HIF3A: variants seen among roughly 807,000 people sequenced by gnomAD.
The protein encoded by HIF3A is hypoxia-inducible factor 3-alpha.
A neutral mutation model predicts 67.2 loss-of-function variants in HIF3A; 41 were observed. The ratio of observed to expected loss-of-function variants is 0.61; its 90% CI spans 0.48 to 0.79. HIF3A has a LOEUF of 0.79. HIF3A is among the 30% of genes least tolerant of loss of function. The probability of loss-of-function intolerance (pLI) is 0.00; values close to 1 mark genes in which losing one functional copy is unlikely to be tolerated. For missense variants in HIF3A, 855 were observed against 898.0 expected, an observed-to-expected ratio of 0.95 and a Z score of 0.61; for synonymous variants, 356 against 374.8, an observed-to-expected ratio of 0.95 and a Z score of 0.58.
intron 11 of HIF3A, among the ~76,000 whole-genome samples, chr19:46,327,584 C>T (rs1371466364): frequency 6.6e-6 from 1 of 152,042 alleles, no homozygotes; most frequent in Non-Finnish European, 1.5e-5. Flanking sequence ...TGCAGTCAGC[C>T]AAACTCAAGG....
Position 46,329,281 on chromosome 19 carries a change from C to T in HIF3A, c.1515C>T (p.Ser505=), listed in dbSNP as rs374067888. The T allele has an allele frequency of 7.2e-5, 116 of 1,613,318 alleles. No homozygotes were observed. Among genetic ancestry groups the T allele is most frequent in the South Asian group, 3.3e-4 (30 of 91,066 alleles). Residue 505 remains serine, a synonymous_variant, in exon 12 of 15, where the codon AGC becomes AGT. Transcript: ENST00000377670. ...ATGATGACTTCCAGCTCAACGCCAG[C>T]GAGCAGCTACCCAGGGCCTACCACA... ...SMDDDFQLNA[S]EQLPRAYHRP...
chr19:46,325,435 G>A, intron 10 of HIF3A, 100 bp from the exon 11 acceptor site: 1 of 790,544 alleles, frequency 1.3e-6, no homozygotes, highest in Non-Finnish European at 2.1e-6. Flanking sequence ...CAGATGCCTG[G>A]CATTTGATCC....
chr19:46,329,394 G>A lies in HIF3A; in HGVS notation c.1628G>A (p.Trp543Ter). The A allele has an allele frequency of 6.2e-7, 1 of 1,608,898 alleles. No homozygotes were observed. Among genetic ancestry groups the A allele is most frequent in the Non-Finnish European group, 8.5e-7 (1 of 1,177,116 alleles). The change falls in exon 12 of 15, where the codon TGG becomes TAG. Residue 543 changes from tryptophan to a stop codon, truncating the protein, a stop_gained. Coordinates refer to ENST00000377670, the MANE Select transcript of HIF3A (RefSeq NM_152795.4). LOFTEE classifies it high-confidence loss of function. ...CTTGAGCCCTCCCTGCTACCCCGCT[G>A]GGGGAGTGACCCCCGGCTGAGCTGC... ...PALEPSLLPR[W>*]GSDPRLSCSS... is the part of the protein sequence containing the mutation.
intron 13 of HIF3A, among the ~76,000 whole-genome samples, chr19:46,331,946 G>GA (rs768107531): frequency 1.3e-5 from 2 of 151,886 alleles, no homozygotes; most frequent in Non-Finnish European, 2.9e-5. Context: ...TATCTGCAGG[G>GA]ATCTTCTCTG....
chr19:46,312,830 G>GGT, intron 8 of HIF3A, 177 bp downstream of exon 8: 5 of 1,329,032 alleles, frequency 3.8e-6, no homozygotes, highest in Non-Finnish European at 4.8e-6. Flanking sequence ...TGTAAATGCC[G>GGT]GTGTGTGTGT....
rs1381814777 is a variant in HIF3A, at chr19:46,343,400, A to G, written c.*3778A>G. 2.0e-5 allele frequency: 3 copies of G among 152,336 alleles called. No individual in the cohort carries two copies. Among genetic ancestry groups the G allele is most frequent in the African/African-American group, 7.3e-5 (3 of 41,344 alleles). The allele number at this position is 152,336 out of a possible 1,614,324, so 9.4% of individuals were successfully genotyped here. ...GGCTCTGAAACTCACCAATCTCTAT[A>G]CACCATAAAGACCTCACCTTGGTAG... On this transcript the variant is annotated 3_prime_UTR_variant, in exon 15 of 15. Transcript: ENST00000377670.
chr19:46,300,913 G>A (rs1038919735), intron 1 of HIF3A, among the ~76,000 whole-genome samples: 2 of 152,110 alleles, frequency 1.3e-5, no homozygotes, highest in Non-Finnish European at 2.9e-5. Context: ...AGCCACAGAG[G>A]ATTACAGAGC....
At chr19:46,334,059 C>G (rs560250293) in intron 13 of HIF3A, among the ~76,000 whole-genome samples, 30 of 151,772 alleles carry the variant, frequency 2.0e-4, no homozygotes, top group Admixed American at 1.8e-3. Flanking sequence ...TCCCAAAGTG[C>G]TGGGATTACA....
chr19:46,335,033 C>A (rs181272186), intron 14 of HIF3A, 47 bp downstream of exon 14: 16 of 1,478,552 alleles, frequency 1.1e-5, no homozygotes, highest in Admixed American at 1.8e-5. Flanking sequence ...CCTTCTCCCC[C>A]GGGAGGTGCG....
intron 8 of HIF3A, among the ~76,000 whole-genome samples, chr19:46,314,970 G>A (rs988318845): frequency 6.8e-6 from 1 of 147,188 alleles, no homozygotes; most frequent in African/African-American, 2.5e-5. Flanking sequence ...TTTCCAGAGG[G>A]TCACATACAG....
chr19:46,323,053 TG>T (rs1232088151), intron 10 of HIF3A, among the ~76,000 whole-genome samples: 2 of 141,724 alleles, frequency 1.4e-5, no homozygotes, highest in Admixed American at 7.0e-5. Flanking sequence ...GTTTTTTTTT[TG>T]TTGTTTTTTT....
rs1412686271 is a variant in HIF3A, at chr19:46,342,291, C to G, written c.*2669C>G. 1 of 152,078 alleles carries G rather than the reference C, an allele frequency of 6.6e-6. No individual in the cohort carries two copies. Among genetic ancestry groups the G allele is most frequent in the African/African-American group, 2.4e-5 (1 of 41,396 alleles). The allele number at this position is 152,078 out of a possible 1,614,324, so 9.4% of individuals were successfully genotyped here. A position where few individuals can be genotyped will look rare whatever the true frequency, so the allele number is the denominator to read the frequency against. On this transcript the variant is annotated 3_prime_UTR_variant, in exon 15 of 15. Transcript: ENST00000377670. ...TTTAGACTTTGCCTTATACATTTCT[C>G]TGGTTTTAGATCTTACCACCCTCAA...
chr19:46,338,646 T>G, intron 14 of HIF3A: 1 of 491,618 alleles, frequency 2.0e-6, no homozygotes, highest in Non-Finnish European at 2.8e-6. Context: ...TACTCATTTA[T>G]TCCTCACAAC....
In HIF3A at chr19:46,334,766, C is replaced by T. The variant is rs1455315886; in HGVS notation, c.1831-139C>T. ...CTCACTATCTTGCCCAGGCTGGTCT[C>T]AAACGTTTGGGCTTAAGTGATCCTC... On this transcript the variant is annotated intron_variant, in intron 13 of 14. Coordinates refer to ENST00000377670, the MANE Select transcript of HIF3A (RefSeq NM_152795.4). 11 of 596,396 alleles carry T rather than the reference C, an allele frequency of 1.8e-5. No individual in the cohort carries two copies. The East Asian group carries it at 3.3e-4, about 18-fold the overall frequency. The allele number at this position is 596,396 out of a possible 1,614,324, so 36.9% of individuals were successfully genotyped here.
At chr19:46,321,631 C>G (rs1351068147) in intron 9 of HIF3A, 145 bp from the exon 10 acceptor site, 43 of 720,816 alleles carry the variant, frequency 6.0e-5, no homozygotes, top group South Asian at 4.5e-4. Context: ...GTCCTCCAGG[C>G]CCCTTCCTTA....
At chr19:46,336,683 G>C (rs1272352925) in intron 14 of HIF3A, among the ~76,000 whole-genome samples, 1 of 147,242 alleles carries the variant, frequency 6.8e-6, no homozygotes, top group South Asian at 2.5e-4. Flanking sequence ...CACCGCACCA[G>C]GCCCCTGTCT....
intron 6 of HIF3A, among the ~76,000 whole-genome samples, chr19:46,310,055 A>G (rs377747853): frequency 2.0e-5 from 3 of 152,068 alleles, no homozygotes; most frequent in East Asian, 3.9e-4. Context: ...TGAAACCCCA[A>G]CTCTACTAAA....
chr19:46,313,107 C>A, intron 8 of HIF3A: 2 of 639,108 alleles, frequency 3.1e-6, no homozygotes, highest in Non-Finnish European at 3.9e-6. Context: ...AAAAATTAGC[C>A]GGGTGTGGTG....
chr19:46,328,776 C>T (rs940883692), intron 11 of HIF3A, among the ~76,000 whole-genome samples: 22 of 151,924 alleles, frequency 1.4e-4, no homozygotes, highest in African/African-American at 4.4e-4. Context: ...GGCTGGACTG[C>T]GATGGTGTGA....
Sources: gnomAD v4.1 joint callset for allele counts (sites outside exome capture counted in the v4.1 genomes callset) on GRCh38, gnomAD v4.1.1 for gene constraint, MANE v1.5 for transcripts, NCBI Gene and HGNC (gene_info 2026-07-23, HGNC 2026-07-21) for gene names.